PRORP: variants seen among roughly 807,000 people sequenced by gnomAD.
PRORP encodes mitochondrial ribonuclease P catalytic subunit.
A neutral mutation model predicts 59.4 loss-of-function variants in PRORP; 51 were observed. The ratio of observed to expected loss-of-function variants is 0.86; its 90% confidence interval spans 0.69 to 1.08. PRORP has a LOEUF of 1.08. Ranked by LOEUF, PRORP falls within the 50% of genes least tolerant of loss-of-function variation. The pLI is 0.00. For synonymous variants in PRORP, 231 were observed against 245.6 expected (o/e 0.94, Z 0.55); for missense variants, 646 against 690.3 (o/e 0.94, Z 0.72).
At chr14:35,252,004 T>A (rs1005920584) in intron 5 of PRORP, among the ~76,000 whole-genome samples, 1 of 152,110 alleles carries the variant, frequency 6.6e-6, no homozygotes, top group Non-Finnish European at 1.5e-5. Flanking sequence ...TATACTGATA[T>A]GAATATAAAT....
intron 5 of PRORP, among the ~76,000 whole-genome samples, chr14:35,226,242 G>A (rs1375783236): frequency 6.6e-6 from 1 of 152,150 alleles, no homozygotes; most frequent in Non-Finnish European, 1.5e-5. Context: ...CAGGCTCTGT[G>A]CTAGATACTA....
chr14:35,143,102 C>G (rs560823161), intron 4 of PRORP, among the ~76,000 whole-genome samples: 5 of 145,828 alleles, frequency 3.4e-5, no homozygotes, highest in African/African-American at 1.2e-4. Context: ...CTTTTGGTCT[C>G]GGGACCCTTT....
chr14:35,260,954 G>C (rs1479824182), intron 5 of PRORP, among the ~76,000 whole-genome samples: 1 of 152,114 alleles, frequency 6.6e-6, no homozygotes, highest in Non-Finnish European at 1.5e-5. Flanking sequence ...AAAGTGCTAG[G>C]ATTACAGGTA....
chr14:35,123,376 GGTT>G lies in PRORP; in HGVS notation c.135_137del (p.Leu45del), dbSNP rs2046991865. The G allele has an allele frequency of 1.2e-6, 2 of 1,614,008 alleles. No individual in the cohort carries two copies. The highest frequency in any genetic ancestry group is 1.7e-6 in the Non-Finnish European group (2 of 1,180,040). On this transcript the variant is annotated inframe_deletion, in exon 2 of 8. Transcript: ENST00000534898. ...CGCTGTGGCATCAGGAACCAGCAGAGGTTGTTTTCTCTTAAAACAATGTCTCCA... is the reference window on the plus strand; with the variant it reads ...CGCTGTGGCATCAGGAACCAGCAGAGGTTTTCTCTTAAAACAATGTCTCCA...
chr14:35,197,160 A>G (rs996392539), intron 5 of PRORP, among the ~76,000 whole-genome samples: 6 of 152,152 alleles, frequency 3.9e-5, no homozygotes, highest in African/African-American at 9.7e-5. Context: ...TTGATTTCCC[A>G]TCACTGATGT....
At chr14:35,256,326 C>CTT (rs1178856754) in intron 5 of PRORP, among the ~76,000 whole-genome samples, 9,648 of 82,752 alleles carry the variant, frequency 0.12, 999 homozygotes, top group Non-Finnish European at 0.14. Flanking sequence ...TTGTGCGTAT[C>CTT]TTTTTTTTTT....
chr14:35,182,309 A>C (rs897887492), intron 5 of PRORP, among the ~76,000 whole-genome samples: 2 of 152,070 alleles, frequency 1.3e-5, no homozygotes, highest in African/African-American at 4.8e-5. Context: ...TGTGACAAAG[A>C]GCAAATTTCC....
intron 5 of PRORP, among the ~76,000 whole-genome samples, chr14:35,236,619 T>G (rs1479808913): frequency 6.6e-6 from 1 of 152,248 alleles, no homozygotes; most frequent in Non-Finnish European, 1.5e-5. Context: ...CTTGAAATTG[T>G]CTATGTCTTT....
intron 5 of PRORP, among the ~76,000 whole-genome samples, chr14:35,209,889 G>A (rs936103810): frequency 2.0e-5 from 3 of 152,166 alleles, no homozygotes; most frequent in African/African-American, 4.8e-5. Flanking sequence ...CTCTAGCAAT[G>A]TTGGGTTATT....
chr14:35,246,209 A>G (rs2050479484), intron 5 of PRORP, among the ~76,000 whole-genome samples: 2 of 152,170 alleles, frequency 1.3e-5, no homozygotes, highest in Admixed American at 1.3e-4. Context: ...TGAGTTGAAC[A>G]CGCAGACTAT....
chr14:35,132,130 C>T (rs1042825280), intron 4 of PRORP, among the ~76,000 whole-genome samples: 2 of 151,872 alleles, frequency 1.3e-5, no homozygotes, highest in Non-Finnish European at 2.9e-5. Context: ...TGAGCCACTG[C>T]GCCCAGCCCC....
chr14:35,195,003 A>G (rs989243730), intron 5 of PRORP, among the ~76,000 whole-genome samples: 2 of 152,006 alleles, frequency 1.3e-5, no homozygotes, highest in Non-Finnish European at 2.9e-5. Context: ...TGTTTTATTT[A>G]TCTTGAAATT....
intron 4 of PRORP, chr14:35,144,534 G>C (rs2047559870): frequency 6.9e-6 from 1 of 145,908 alleles, no homozygotes; most frequent in African/African-American, 2.4e-5. Context: ...TCTATATTCA[G>C]TCTGTTGTGG....
intron 5 of PRORP, among the ~76,000 whole-genome samples, chr14:35,216,685 T>A: frequency 6.6e-6 from 1 of 152,240 alleles, no homozygotes; most frequent in East Asian, 1.9e-4. Flanking sequence ...TCAGTTCATA[T>A]AGTAATTCTT....
intron 4 of PRORP, among the ~76,000 whole-genome samples, chr14:35,149,555 C>G (rs1279691306): frequency 6.6e-6 from 1 of 152,084 alleles, no homozygotes; most frequent in African/African-American, 2.4e-5. Flanking sequence ...TTTCTTAAAC[C>G]TCTTGAGCCA....
At chr14:35,187,621 G>A (rs981945308) in intron 5 of PRORP, among the ~76,000 whole-genome samples, 3 of 151,638 alleles carry the variant, frequency 2.0e-5, no homozygotes, top group African/African-American at 7.3e-5. Flanking sequence ...GTAGAGACGG[G>A]TTTTCGCCAT....
intron 7 of PRORP, among the ~76,000 whole-genome samples, chr14:35,270,899 C>T (rs1192895757): frequency 5.9e-5 from 9 of 151,430 alleles, no homozygotes; most frequent in South Asian, 2.1e-4. Flanking sequence ...CTGGCTAACA[C>T]GGTGAAACCC....
At position 35,122,982 on chromosome 14, in the gene PRORP, A is replaced by AGGAT; in HGVS notation, c.-263_-260dup. Reference sequence around the variant, plus strand: ...TGAACTGGAATGTAAGAGGCACCAGAGGATTCCTGCTCTGTCCCCTGGTTT... The same window carrying AGGAT: ...TGAACTGGAATGTAAGAGGCACCAGAGGATGGATTCCTGCTCTGTCCCCTGGTTT... On this transcript the variant is annotated 5_prime_UTR_variant, in exon 2 of 8. In the 5' UTR this introduces an upstream ATG that the reference lacks. Coordinates refer to ENST00000534898, the MANE Select transcript of PRORP (RefSeq NM_014672.4). The AGGAT allele has an allele frequency of 2.3e-6, 1 of 438,196 alleles. No homozygotes were observed. 27.1% of individuals were successfully genotyped at this position (438,196 alleles called of 1,614,324 possible). A position where few individuals can be genotyped will look rare whatever the true frequency, so the allele number is the denominator to read the frequency against.
intron 5 of PRORP, among the ~76,000 whole-genome samples, chr14:35,214,038 A>G (rs1487491609): frequency 4.6e-5 from 7 of 152,226 alleles, no homozygotes; most frequent in African/African-American, 1.7e-4. Context: ...TGCTTAGTAC[A>G]CTTTAAAGAC....
Sources: allele counts gnomAD v4.1 joint callset (sites outside exome capture counted in the v4.1 genomes callset), GRCh38; gene constraint gnomAD v4.1.1; transcripts MANE v1.5; gene names NCBI Gene and HGNC (gene_info 2026-07-23, HGNC 2026-07-21).